TAB2: variants seen among roughly 807,000 people sequenced by gnomAD.
The protein encoded by TAB2 is TGF-beta activated kinase 1 (MAP3K7) binding protein 2, also known as TGF-beta-activated kinase 1 and MAP3K7-binding protein 2.
In TAB2, 3 loss-of-function variants were observed where a neutral mutation model predicts 65.0. The observed-to-expected ratio is 0.05, with a 90% CI of 0.02 to 0.12. The LOEUF (loss-of-function observed/expected upper bound fraction) is 0.12, where lower values mean the gene tolerates loss of function less well. Among genes scored for constraint, TAB2 ranks in the 10% least tolerant of loss-of-function variants. The probability of loss-of-function intolerance (pLI) is 1.00; values close to 1 mark genes in which losing one functional copy is unlikely to be tolerated. For synonymous variants in TAB2, 298 were observed against 285.1 expected (o/e 1.05, Z -0.46); for missense variants, 623 against 840.3 (o/e 0.74, Z 3.20).
At chr6:149,299,673 T>G (rs1349188097) in intron 1 of TAB2, among the ~76,000 whole-genome samples, 1 of 152,178 alleles carries the variant, frequency 6.6e-6, no homozygotes, top group Non-Finnish European at 1.5e-5. Context: ...ACTCAAGTAT[T>G]TATTAGATTA....
At chr6:149,256,040 A>T (rs1298967479) in intron 1 of TAB2, among the ~76,000 whole-genome samples, 1 of 152,206 alleles carries the variant, frequency 6.6e-6, no homozygotes, top group Non-Finnish European at 1.5e-5. Context: ...GGAAGAGTTG[A>T]TTGTACCTTC....
At chr6:149,402,503 CA>C (rs1340484709) in intron 6 of TAB2, among the ~76,000 whole-genome samples, 1 of 151,992 alleles carries the variant, frequency 6.6e-6, no homozygotes, top group Non-Finnish European at 1.5e-5. Context: ...AAATTCCCAA[CA>C]AAGAAAAGTC....
chr6:149,279,982 A>T (rs1778542809), intron 1 of TAB2, among the ~76,000 whole-genome samples: 1 of 152,224 alleles, frequency 6.6e-6, no homozygotes. Flanking sequence ...ACATCCAGTC[A>T]GCAGTTCTTT....
chr6:149,255,715 G>A (rs1473454161), intron 1 of TAB2, among the ~76,000 whole-genome samples: 2 of 152,132 alleles, frequency 1.3e-5, no homozygotes, highest in Non-Finnish European at 2.9e-5. Flanking sequence ...TTCTTTCAAT[G>A]GGCCTTGATG....
Position 149,402,386 on chromosome 6 carries a change from C to T in TAB2, c.1939+3202C>T, listed in dbSNP as rs1028413811. Among the ~76,000 whole-genome samples, 13 of 151,934 alleles carry T rather than the reference C, an allele frequency of 8.6e-5. No homozygotes were observed. The South Asian group carries it at 2.1e-3, about 24-fold the overall frequency. On this transcript the variant is annotated intron_variant, in intron 6 of 6. Coordinates refer to ENST00000637181, the MANE Select transcript of TAB2 (RefSeq NM_001292034.3). ...TTGATATCACCTATTAAAGCTGAAT[C>T]AAGAAGAATTAGAAAGACTGAGTAG...
chr6:149,300,995 G>A (rs1778960211), intron 1 of TAB2, among the ~76,000 whole-genome samples: 1 of 152,220 alleles, frequency 6.6e-6, no homozygotes, highest in African/African-American at 2.4e-5. Flanking sequence ...AGCTTGGGGA[G>A]TCTTGCTGTG....
intron 1 of TAB2, among the ~76,000 whole-genome samples, chr6:149,364,863 A>T (rs189450053): frequency 5.2e-4 from 79 of 151,844 alleles, no homozygotes; most frequent in Non-Finnish European, 7.2e-4. Context: ...GATAAACTGC[A>T]CTGAATATGA....
chr6:149,409,875 A>G lies in TAB2; in HGVS notation c.*156A>G. The G allele has an allele frequency of 1.3e-6, 1 of 796,362 alleles. No individual in the cohort carries two copies. The highest frequency in any genetic ancestry group is 2.1e-6 in the Non-Finnish European group (1 of 480,702). 49.3% of individuals were successfully genotyped at this position (796,362 alleles called of 1,614,324 possible). ...TGTTAAATGTCAGCCCACAGAGCTA[A>G]TAATACCTCAGTATAATGTCATGAG... is the stretch of plus-strand genomic sequence containing the variant. On this transcript the variant is annotated 3_prime_UTR_variant, in exon 7 of 7. Transcript: ENST00000637181.
rs577824770 is a variant in TAB2, at chr6:149,263,184, T to A, written c.-121+44408T>A. ...ATCAAATTTCATAGTGTATTTTTTC[T>A]CCAGGATTTAGGCAAAGCAAAAATG... On this transcript the variant is annotated intron_variant, in intron 1 of 1. Coordinates refer to the TAB2 transcript ENST00000606202. 1.4e-4 allele frequency among the ~76,000 whole-genome samples: 21 copies of A among 152,294 alleles called. No homozygotes were observed. The South Asian group carries it at 4.1e-3, about 30-fold the overall frequency.
intron 1 of TAB2, among the ~76,000 whole-genome samples, chr6:149,263,915 T>G (rs1778206075): frequency 6.6e-6 from 1 of 152,184 alleles, no homozygotes; most frequent in Non-Finnish European, 1.5e-5. Context: ...CTTTGGAAAC[T>G]GGAGAGTCTG....
chr6:149,308,545 T>G (rs1779110482), intron 1 of TAB2, among the ~76,000 whole-genome samples: 1 of 151,886 alleles, frequency 6.6e-6, no homozygotes, highest in African/African-American at 2.4e-5. Context: ...TATTTATTTT[T>G]GAGATGGAGT....
chr6:149,296,255 C>A (rs75793334), intron 1 of TAB2, among the ~76,000 whole-genome samples: 1 of 152,152 alleles, frequency 6.6e-6, no homozygotes, highest in African/African-American at 2.4e-5. Context: ...TGTGGTTGAC[C>A]CCCAGGTTGT....
chr6:149,335,355 C>CAT (rs936406814), intron 1 of TAB2, among the ~76,000 whole-genome samples: 1 of 150,570 alleles, frequency 6.6e-6, no homozygotes, highest in Non-Finnish European at 1.5e-5. Flanking sequence ...GTATATATAA[C>CAT]ATATATATAA....
intron 1 of TAB2, among the ~76,000 whole-genome samples, chr6:149,269,306 A>C (rs1451754454): frequency 6.6e-6 from 1 of 152,184 alleles, no homozygotes; most frequent in Non-Finnish European, 1.5e-5. Flanking sequence ...ACGTGGTAAA[A>C]GAAGTTACGC....
chr6:149,402,102 G>A (rs190249103), intron 6 of TAB2, among the ~76,000 whole-genome samples: 13 of 150,692 alleles, frequency 8.6e-5, no homozygotes, highest in African/African-American at 3.2e-4. Flanking sequence ...AAGAATTAGA[G>A]CAAAAATAGA....
upstream of TAB2, among the ~76,000 whole-genome samples, chr6:149,317,164 T>C (rs1779275587): frequency 6.6e-6 from 1 of 151,890 alleles, no homozygotes; most frequent in African/African-American, 2.4e-5. The surrounding 1 kb of genome is among the most constrained non-coding windows in gnomAD (Gnocchi z 4.7). Flanking sequence ...TCAGTTCCTT[T>C]CTTCCCTCAG....
intron 1 of TAB2, among the ~76,000 whole-genome samples, chr6:149,254,611 T>C (rs977110876): frequency 2.6e-5 from 4 of 152,246 alleles, no homozygotes; most frequent in Non-Finnish European, 5.9e-5. Flanking sequence ...TCTGCCTGCA[T>C]TCCAGATGGT....
chr6:149,256,900 AG>A (rs1420602278), intron 1 of TAB2, among the ~76,000 whole-genome samples: 1 of 152,242 alleles, frequency 6.6e-6, no homozygotes, highest in African/African-American at 2.4e-5. Context: ...TGAGGTCAAA[AG>A]CTCCTAAAGG....
chr6:149,400,653 C>T (rs1373889117), intron 6 of TAB2: 6 of 1,614,142 alleles, frequency 3.7e-6, no homozygotes, highest in Non-Finnish European at 5.1e-6. Flanking sequence ...TGATGTGTTT[C>T]AACAGCCTAC....
Sources: allele counts gnomAD v4.1 joint callset (sites outside exome capture counted in the v4.1 genomes callset), GRCh38; gene constraint gnomAD v4.1.1; non-coding constraint Gnocchi (gnomAD v3.1); transcripts MANE v1.5; gene names NCBI Gene and HGNC (gene_info 2026-07-23, HGNC 2026-07-21).